The following TRPM6 variants were observed in gnomAD, a reference collection of about 807,000 sequenced individuals.
The protein encoded by TRPM6 is channel kinase 2.
In TRPM6, 111 loss-of-function variants were observed where a neutral mutation model predicts 247.6. That is an observed-to-expected ratio of 0.45 (90% CI 0.38 to 0.52). TRPM6 has a LOEUF of 0.52. Among genes scored for constraint, TRPM6 ranks in the 20% least tolerant of loss-of-function variants. The probability of loss-of-function intolerance (pLI) is 0.00; values close to 1 mark genes in which losing one functional copy is unlikely to be tolerated. For synonymous variants in TRPM6, 892 were observed against 853.8 expected, an observed-to-expected ratio of 1.04 and a Z score of -0.78; for missense variants, 2,126 against 2,421.5, an observed-to-expected ratio of 0.88 and a Z score of 2.56.
At chr9:74,743,962 C>T in intron 32 of TRPM6, 133 bp downstream of exon 32, 1 of 867,658 alleles carries the variant, frequency 1.2e-6, no homozygotes, top group South Asian at 1.5e-5. Flanking sequence ...ATGTTCTTCC[C>T]ATCAAAGTGA....
chr9:74,869,554 G>A (rs1455951955), intron 1 of TRPM6, among the ~76,000 whole-genome samples: 1 of 151,926 alleles, frequency 6.6e-6, no homozygotes, highest in African/African-American at 2.4e-5. Context: ...AGGGCTAAAT[G>A]TCTTAGGTGC....
intron 14 of TRPM6, among the ~76,000 whole-genome samples, chr9:74,807,711 A>T (rs1828577597): frequency 6.6e-6 from 1 of 152,184 alleles, no homozygotes; most frequent in African/African-American, 2.4e-5. Flanking sequence ...AGAAAAGAAA[A>T]AAAAAGAACT....
intron 1 of TRPM6, among the ~76,000 whole-genome samples, chr9:74,880,729 T>C (rs912148837): frequency 2.0e-5 from 3 of 152,020 alleles, no homozygotes; most frequent in Non-Finnish European, 4.4e-5. Flanking sequence ...GTATCTACCA[T>C]CATGAAAATA....
At chr9:74,854,807 GCA>G (rs1473822381) in intron 3 of TRPM6, among the ~76,000 whole-genome samples, 1 of 152,074 alleles carries the variant, frequency 6.6e-6, no homozygotes, top group African/African-American at 2.4e-5. Context: ...GAGTATACAG[GCA>G]CACACCAACA....
intron 27 of TRPM6, among the ~76,000 whole-genome samples, chr9:74,755,682 C>T (rs1826409354): frequency 6.6e-6 from 1 of 152,164 alleles, no homozygotes; most frequent in Admixed American, 6.5e-5. Context: ...ACTGAGAACC[C>T]CTGCTCCACA....
In TRPM6 at chr9:74,748,653, G is replaced by A. The variant is rs370721381; in HGVS notation, c.5058-739C>T. On this transcript the variant is annotated intron_variant, in intron 30 of 38. Coordinates refer to ENST00000360774, the MANE Select transcript of TRPM6 (RefSeq NM_017662.5). ...AATCAGAAAATGGCTTCTAGAATAA[G>A]GATATAAAGAAAGAACATATTTTTG... is the stretch of plus-strand genomic sequence containing the variant. Among the ~76,000 whole-genome samples the A allele has an allele frequency of 1.1e-4, 17 of 152,176 alleles. No homozygotes were observed. The East Asian group carries it at 3.3e-3, about 29-fold the overall frequency.
intron 17 of TRPM6, among the ~76,000 whole-genome samples, chr9:74,799,590 C>T (rs1828236941): frequency 6.6e-6 from 1 of 150,812 alleles, no homozygotes; most frequent in African/African-American, 2.4e-5. Context: ...AGCAGAACAA[C>T]AGAAGTTATT....
chr9:74,794,388 T>C (rs1311303268), intron 18 of TRPM6, among the ~76,000 whole-genome samples: 5 of 152,264 alleles, frequency 3.3e-5, no homozygotes, highest in African/African-American at 9.6e-5. Flanking sequence ...CTCGGGCATC[T>C]AGATGGGTTA....
At chr9:74,831,981 T>A (rs929181636) in intron 6 of TRPM6, among the ~76,000 whole-genome samples, 2 of 152,210 alleles carry the variant, frequency 1.3e-5, no homozygotes, top group African/African-American at 4.8e-5. Context: ...TGTCATCACG[T>A]TGGAACTCTG....
chr9:74,759,737 A>G lies in TRPM6; in HGVS notation c.4785+1959T>C, dbSNP rs561719799. ...TTGGCAAAAATATTTTAAATGTGAT[A>G]CAAAAAATCATAGACTATAAAAGAA... On this transcript the variant is annotated intron_variant, in intron 27 of 38. Transcript: ENST00000360774. Among the ~76,000 whole-genome samples the G allele has an allele frequency of 4.6e-5, 7 of 152,292 alleles. No homozygotes were observed. In the East Asian group the frequency reaches 1.3e-3, roughly 29 times the overall value.
At position 74,739,489 on chromosome 9, in the gene TRPM6, G is replaced by T. The variant is rs750003511; in HGVS notation, c.5488-40C>A. 1.0e-5 allele frequency: 16 copies of T among 1,584,578 alleles called. No homozygotes were observed. The East Asian group carries it at 3.4e-4, about 33-fold the overall frequency. On this transcript the variant is annotated intron_variant, in intron 34 of 38. Transcript: ENST00000360774. Reference sequence around the variant, plus strand: ...GCACTGATAAAAATACTGATTTACTGTTGTACAGCTATGATCATGAAATTA... The same window carrying T: ...GCACTGATAAAAATACTGATTTACTTTTGTACAGCTATGATCATGAAATTA...
chr9:74,785,667 T>C lies in TRPM6; in HGVS notation c.2919+207A>G, dbSNP rs187043773. Among the ~76,000 whole-genome samples, 133 of 152,168 alleles carry C rather than the reference T, an allele frequency of 8.7e-4. 1 individual carries two copies. The highest frequency in any genetic ancestry group is 3.1e-3 in the South Asian group (15 of 4,810). ...CCTCCTGAGTAGCTGGGACTACAGG[T>C]GCCCACCACCATGCCCGGCTAATTT... On this transcript the variant is annotated intron_variant, in intron 21 of 38. Coordinates refer to ENST00000360774, the MANE Select transcript of TRPM6 (RefSeq NM_017662.5).
chr9:74,771,737 T>C lies in TRPM6; in HGVS notation c.3502A>G (p.Ser1168Gly). The change falls in exon 25 of 39, where the codon AGT (serine) becomes GGT (glycine). Residue 1168 changes from serine to glycine, a missense_variant. Ser to Gly is a moderately conservative substitution (Grantham distance 56). Transcript: ENST00000360774. The part of the protein sequence containing the change: ...FHEKMEDVNC[S>G]CEERIRVTSE... ...GTCACTCGGATTCGTTCCTCACAACTACAATTCACATCTTCCATCTTCTCA... is the reference window on the plus strand; with the variant it reads ...GTCACTCGGATTCGTTCCTCACAACCACAATTCACATCTTCCATCTTCTCA... The C allele has an allele frequency of 6.2e-7, 1 of 1,614,006 alleles. No individual in the cohort carries two copies. Among genetic ancestry groups the C allele is most frequent in the Non-Finnish European group, 8.5e-7 (1 of 1,179,964 alleles).
chr9:74,867,994 A>G (rs1250950472), intron 1 of TRPM6, among the ~76,000 whole-genome samples: 1 of 151,736 alleles, frequency 6.6e-6, no homozygotes, highest in East Asian at 1.9e-4. Context: ...CTCTATTAAA[A>G]ACAAAAAAAA....
At chr9:74,798,056 T>A (rs532128370) in intron 17 of TRPM6, among the ~76,000 whole-genome samples, 120 of 152,202 alleles carry the variant, frequency 7.9e-4, no homozygotes, top group African/African-American at 2.6e-3. Context: ...TCAAAAAAAA[T>A]TTTTAAGTTC....
chr9:74,784,917 G>C (rs1827592690), intron 21 of TRPM6, among the ~76,000 whole-genome samples: 1 of 152,122 alleles, frequency 6.6e-6, no homozygotes, highest in South Asian at 2.1e-4. Context: ...TTTGAGACCA[G>C]CCTGGGCAAC....
chr9:74,866,457 A>ATT (rs1222798911), intron 1 of TRPM6, among the ~76,000 whole-genome samples: 15 of 152,078 alleles, frequency 9.9e-5, no homozygotes, highest in Admixed American at 8.5e-4. Flanking sequence ...AGTAGGTTTG[A>ATT]TTTTTTTGGG....
intron 25 of TRPM6, among the ~76,000 whole-genome samples, chr9:74,771,443 G>A (rs1215845624): frequency 6.6e-6 from 1 of 152,110 alleles, no homozygotes; most frequent in South Asian, 2.1e-4. Context: ...ACGCGCGCGC[G>A]CATGAATGTA....
chr9:74,724,839 A>G (rs955736317), intron 38 of TRPM6, 93 bp from the exon 39 acceptor site: 5 of 1,501,460 alleles, frequency 3.3e-6, no homozygotes, highest in Non-Finnish European at 3.7e-6. Flanking sequence ...CCAAGTGTTC[A>G]GAGAGATCTC....
Sources: allele counts gnomAD v4.1 joint callset (sites outside exome capture counted in the v4.1 genomes callset), GRCh38; gene constraint gnomAD v4.1.1; transcripts MANE v1.5; gene names NCBI Gene and HGNC (gene_info 2026-07-23, HGNC 2026-07-21).